The following PKD2 variants were observed in gnomAD, a reference collection of about 807,000 sequenced individuals.
The protein encoded by PKD2 is polycystin-2.
Under a neutral mutation model 105.9 loss-of-function variants are expected in PKD2, and 48 were observed. The ratio of observed to expected loss-of-function variants is 0.45; its 90% CI spans 0.36 to 0.58. The LOEUF is 0.58. PKD2 is among the 20% of genes least tolerant of loss of function. PKD2 has a pLI of 0.00. For synonymous variants in PKD2, 464 were observed against 481.1 expected (o/e 0.96, Z 0.46); for missense variants, 1,078 against 1,255.3 (o/e 0.86, Z 2.13).
chr4:88,012,645 G>T (rs531829858), intron 1 of PKD2, among the ~76,000 whole-genome samples: 1 of 151,862 alleles, frequency 6.6e-6, no homozygotes, highest in Non-Finnish European at 1.5e-5. Context: ...TTATGTAAAT[G>T]GACTTAACAC....
At chr4:88,012,107 A>C (rs1726403951) in intron 1 of PKD2, among the ~76,000 whole-genome samples, 1 of 152,058 alleles carries the variant, frequency 6.6e-6, no homozygotes, top group South Asian at 2.1e-4. Context: ...ACTTTGAGAA[A>C]CCCTGCCCTA....
intron 6 of PKD2, among the ~76,000 whole-genome samples, chr4:88,048,881 C>T (rs997168123): frequency 7.9e-5 from 12 of 152,102 alleles, no homozygotes; most frequent in African/African-American, 2.2e-4. Context: ...TATTTCTGTT[C>T]GGATTGATGG....
Position 88,019,440 on chromosome 4 carries a change from T to C in PKD2, c.596-18T>C. The C allele has an allele frequency of 8.3e-7, 1 of 1,208,978 alleles. No individual in the cohort carries two copies. Among genetic ancestry groups the C allele is most frequent in the Non-Finnish European group, 1.2e-6 (1 of 812,720 alleles). The allele number at this position is 1,208,978 out of a possible 1,614,324, so 74.9% of individuals were successfully genotyped here. ...AAATAAAATGATATCTTTTCTTTTC[T>C]TCATTATTATTTTAAAGGTCTCTGG... On this transcript the variant is annotated intron_variant, in intron 1 of 14. Coordinates refer to ENST00000237596, the MANE Select transcript of PKD2 (RefSeq NM_000297.4).
intron 2 of PKD2, among the ~76,000 whole-genome samples, chr4:88,021,337 G>A (rs892602641): frequency 6.6e-6 from 1 of 152,184 alleles, no homozygotes; most frequent in Non-Finnish European, 1.5e-5. Context: ...AAATTTGGAA[G>A]GTAAGTCAGA....
At chr4:88,038,588 C>T (rs1261703279) in intron 4 of PKD2, 87 bp downstream of exon 4, 2 of 1,424,610 alleles carry the variant, frequency 1.4e-6, no homozygotes, top group Admixed American at 1.7e-5. Flanking sequence ...TTCCCTGACA[C>T]CTTCACCAAG....
chr4:88,070,574 TTATATATATATATA>T (rs57470805), intron 13 of PKD2, among the ~76,000 whole-genome samples: 129 of 113,932 alleles, frequency 1.1e-3, no homozygotes, highest in African/African-American at 4.0e-3. Context: ...TTTATTTATT[TTATATATATATATA>T]TATATATATA....
chr4:88,022,792 AAG>A (rs1449140901), intron 2 of PKD2, among the ~76,000 whole-genome samples: 4 of 152,210 alleles, frequency 2.6e-5, no homozygotes, highest in Admixed American at 2.6e-4. Flanking sequence ...TTTATAAAAA[AAG>A]AGGTTTGGCC....
At chr4:88,051,643 A>G (rs535309155) in intron 6 of PKD2, among the ~76,000 whole-genome samples, 3 of 152,218 alleles carry the variant, frequency 2.0e-5, no homozygotes, top group African/African-American at 4.8e-5. Flanking sequence ...TGAAGGTGGC[A>G]GAAAAAACAG....
rs1426082542 is a variant in PKD2, at chr4:88,065,454, A to C, written c.2199A>C (p.Gly733=). Reference sequence around the variant, plus strand: ...TTTCAGAGAGTCTGCGGCAAGGAGGAGGCAAGTTAAACTTTGACGAACTTC... The same window carrying C: ...TTTCAGAGAGTCTGCGGCAAGGAGGCGGCAAGTTAAACTTTGACGAACTTC... ...DDISESLRQG[G]GKLNFDELRQ... is the part of the protein sequence containing the mutation. Residue 733 remains glycine, a synonymous_variant, in exon 11 of 15, where the codon GGA becomes GGC. Transcript: ENST00000237596. The C allele has an allele frequency of 1.9e-6, 3 of 1,613,638 alleles. No individual in the cohort carries two copies. The highest frequency in any genetic ancestry group is 1.6e-4 in the Middle Eastern group (1 of 6,062).
At position 88,062,432 on chromosome 4, in the gene PKD2, A is replaced by G. The variant is rs148137178; in HGVS notation, c.2118+428A>G. ...AAAGTTTTAGAGGAAAACACTTAGT[A>G]GTTCACCCTTTACCCTTGACCTTCC... On this transcript the variant is annotated intron_variant, in intron 10 of 14. Coordinates refer to ENST00000237596, the MANE Select transcript of PKD2 (RefSeq NM_000297.4). 2.1e-3 allele frequency among the ~76,000 whole-genome samples: 325 copies of G among 152,360 alleles called. 1 individual carries two copies. The highest frequency in any genetic ancestry group is 7.6e-3 in the African/African-American group (316 of 41,586).
intron 2 of PKD2, among the ~76,000 whole-genome samples, chr4:88,028,021 G>A (rs1578123939): frequency 6.6e-6 from 1 of 152,280 alleles, no homozygotes; most frequent in South Asian, 2.1e-4. Context: ...TACAGAAAGT[G>A]TGTAACTTTA....
In PKD2 at chr4:88,065,957, G is replaced by A. The variant is rs541077905; in HGVS notation, c.2358+78G>A. The A allele has an allele frequency of 1.4e-5, 12 of 846,004 alleles. No individual in the cohort carries two copies. In the East Asian group the frequency reaches 1.7e-4, roughly 12 times the overall value. 52.4% of individuals were successfully genotyped at this position (846,004 alleles called of 1,614,324 possible). ...ATGTATCAAACACTATAGAAGTAGT[G>A]GGTTATTGAGTCTCTTGCCCATTCC... On this transcript the variant is annotated intron_variant, in intron 12 of 14. Transcript: ENST00000237596.
At chr4:88,042,490 G>A (rs192306172) in intron 4 of PKD2, among the ~76,000 whole-genome samples, 3 of 152,114 alleles carry the variant, frequency 2.0e-5, no homozygotes, top group Non-Finnish European at 2.9e-5. Flanking sequence ...CAACCCATAT[G>A]ACCATTCACC....
At chr4:88,010,969 TCTGAGCAGGAACAGAACATG>T (rs946912105) in intron 1 of PKD2, among the ~76,000 whole-genome samples, 1 of 152,216 alleles carries the variant, frequency 6.6e-6, no homozygotes, top group Non-Finnish European at 1.5e-5. Flanking sequence ...GTTGAAAGTT[TCTGAGCAGGAACAGAACATG>T]CTGAAAGGAA....
chr4:88,019,200 GGAGCCTATAAAAT>G (rs1726661071), intron 1 of PKD2, among the ~76,000 whole-genome samples: 1 of 151,724 alleles, frequency 6.6e-6, no homozygotes, highest in Non-Finnish European at 1.5e-5. Flanking sequence ...AATGGGCTTG[GGAGCCTATAAAAT>G]GATCAGAATT....
Position 88,051,992 on chromosome 4 carries a change from TG to T in PKD2, c.1551del (p.Ser518GlnfsTer3), listed in dbSNP as rs776718970. The T allele has an allele frequency of 1.3e-6, 2 of 1,559,604 alleles. No individual in the cohort carries two copies. The highest frequency in any genetic ancestry group is 1.8e-6 in the Non-Finnish European group (2 of 1,131,278). ...AAATATAAATATTTTGCTTTTCAGC[TG>T]TCAGTGGTAGCTATAGGAATTAACA... Reference protein sequence around the residue: ...WNCLDVVIVVLSVVAIGINIY... With the variant: ...WNCLDVVIVVXSVVAIGINIY... On this transcript the variant is annotated frameshift_variant and splice_region_variant, in exon 7 of 15. Coordinates refer to ENST00000237596, the MANE Select transcript of PKD2 (RefSeq NM_000297.4). LOFTEE classifies it high-confidence loss of function.
At chr4:88,058,550 C>A (rs1163543771) in intron 9 of PKD2, among the ~76,000 whole-genome samples, 1 of 151,998 alleles carries the variant, frequency 6.6e-6, no homozygotes, top group Non-Finnish European at 1.5e-5. Context: ...TTCTTCTTTT[C>A]TTTTTAAAAA....
At position 88,052,138 on chromosome 4, in the gene PKD2, G is replaced by A. The variant is rs1393860679; in HGVS notation, c.1696G>A (p.Val566Ile). ...GTTCAACAATATAGCTGCTGTCACA[G>A]TATTTTTTGTCTGGATTAAGGTAAT... ...IQFNNIAAVT[V>I]FFVWIKLFKF... The change falls in exon 7 of 15, where the codon GTA (valine) becomes ATA (isoleucine). Residue 566 changes from valine to isoleucine, a missense_variant. By Grantham distance (29) the Val-to-Ile change is conservative (BLOSUM62 3). Coordinates refer to ENST00000237596, the MANE Select transcript of PKD2 (RefSeq NM_000297.4). 6.3e-7 allele frequency: 1 copy of A among 1,598,712 alleles called. No individual in the cohort carries two copies. Among genetic ancestry groups the A allele is most frequent in the South Asian group, 1.1e-5 (1 of 90,326 alleles).
chr4:88,038,189 A>G lies in PKD2; in HGVS notation c.844-62A>G, dbSNP rs889934793. The stretch of plus-strand genomic sequence containing the variant: ...AAATGCTTGGTTATGCAAACGATGC[A>G]GGCAGGGGCAAGACAGCGGCTGAGC... On this transcript the variant is annotated intron_variant, in intron 3 of 14. Transcript: ENST00000237596. The G allele has an allele frequency of 7.0e-6, 11 of 1,570,766 alleles. No individual in the cohort carries two copies. The Admixed American group carries it at 1.0e-4, about 14-fold the overall frequency.
Sources: gnomAD v4.1 joint callset for allele counts (sites outside exome capture counted in the v4.1 genomes callset) on GRCh38, gnomAD v4.1.1 for gene constraint, MANE v1.5 for transcripts, NCBI Gene and HGNC (gene_info 2026-07-23, HGNC 2026-07-21) for gene names.